Variants in RABGEF1 observed in about 807,000 individuals in gnomAD.
RABGEF1 encodes the protein rab5 GDP/GTP exchange factor.
Under a neutral mutation model 57.3 loss-of-function variants are expected in RABGEF1, and 26 were observed. That is an observed-to-expected ratio of 0.45 (90% CI 0.33 to 0.63). RABGEF1 has a LOEUF of 0.63. RABGEF1 is among the 20% of genes least tolerant of loss of function. The pLI, the probability that RABGEF1 is intolerant of heterozygous loss-of-function variation, is 0.02. For missense variants in RABGEF1, 464 were observed against 607.6 expected (o/e 0.76, Z 2.48); for synonymous variants, 185 against 210.7 (o/e 0.88, Z 1.06).
At chr7:66,805,060 A>G (rs1788142224) in intron 7 of RABGEF1, 80 bp from the exon 8 acceptor site, 2 of 1,451,014 alleles carry the variant, frequency 1.4e-6, no homozygotes, top group African/African-American at 2.8e-5. Context: ...TCATAACTTT[A>G]GAGATAAAAC....
intron 2 of RABGEF1, among the ~76,000 whole-genome samples, chr7:66,712,575 A>G (rs1485980573): frequency 5.3e-5 from 8 of 151,882 alleles, no homozygotes; most frequent in African/African-American, 1.7e-4. Flanking sequence ...GGCTGAAGGG[A>G]TCCTCGCACC....
At chr7:66,736,815 T>G (rs1797993641), upstream of RABGEF1, among the ~76,000 whole-genome samples, 1 of 152,070 alleles carries the variant, frequency 6.6e-6, no homozygotes, top group Non-Finnish European at 1.5e-5. Flanking sequence ...GAGCCAAGTT[T>G]GCGCCACTGC....
chr7:66,718,168 C>G (rs1332886397), intron 2 of RABGEF1, among the ~76,000 whole-genome samples: 1 of 152,028 alleles, frequency 6.6e-6, no homozygotes, highest in Non-Finnish European at 1.5e-5. Context: ...CATGGTGAAA[C>G]CCTGTCTCTC....
chr7:66,737,070 G>A (rs560268194), upstream of RABGEF1, among the ~76,000 whole-genome samples: 2 of 121,138 alleles, frequency 1.7e-5, no homozygotes, highest in African/African-American at 5.6e-5. Flanking sequence ...GAGAGAGAGA[G>A]AGTGAGAGAG....
Position 66,805,071 on chromosome 7 carries a change from A to G in RABGEF1, c.821-69A>G. On this transcript the variant is annotated intron_variant, in intron 7 of 8. Coordinates refer to ENST00000284957, the MANE Select transcript of RABGEF1 (RefSeq NM_014504.3). ...TCCTTCATAACTTTAGAGATAAAACATGATTTTCCTATTGCTTCTTTTTTG... is the reference window on the plus strand; with the variant it reads ...TCCTTCATAACTTTAGAGATAAAACGTGATTTTCCTATTGCTTCTTTTTTG... The G allele has an allele frequency of 6.0e-6, 9 of 1,490,118 alleles. No individual in the cohort carries two copies. In the South Asian group the frequency reaches 9.4e-5, roughly 16 times the overall value. 92.3% of individuals were successfully genotyped at this position (1,490,118 alleles called of 1,614,324 possible).
At chr7:66,714,412 C>T (rs778665488) in intron 2 of RABGEF1, among the ~76,000 whole-genome samples, 4 of 152,138 alleles carry the variant, frequency 2.6e-5, no homozygotes, top group Admixed American at 1.3e-4. Flanking sequence ...AGTGATATCA[C>T]GTATTTCATT....
the RABGEF1 span, among the ~76,000 whole-genome samples, chr7:66,675,352 C>A: frequency 6.6e-6 from 1 of 151,556 alleles, no homozygotes; most frequent in South Asian, 2.1e-4. Flanking sequence ...ATCGCTTGAA[C>A]CTGGGAGGCG....
At chr7:66,696,106 C>G (rs1467015546) in intron 1 of RABGEF1, among the ~76,000 whole-genome samples, 1 of 151,876 alleles carries the variant, frequency 6.6e-6, no homozygotes, top group East Asian at 1.9e-4. Flanking sequence ...CTCACTGTTG[C>G]CCAGGTTGGA....
intron 4 of RABGEF1, among the ~76,000 whole-genome samples, chr7:66,788,025 TAATA>T (rs1206625475): frequency 6.6e-6 from 1 of 152,268 alleles, no homozygotes; most frequent in Non-Finnish European, 1.5e-5. Flanking sequence ...TGCTAAGTGT[TAATA>T]AATCCCTCAG....
At chr7:66,723,030 G>A (rs1396924180) in intron 2 of RABGEF1, among the ~76,000 whole-genome samples, 5 of 151,826 alleles carry the variant, frequency 3.3e-5, no homozygotes, top group South Asian at 2.1e-4. Flanking sequence ...GTGCAATGGC[G>A]TGATCTTGGC....
In RABGEF1 at chr7:66,795,605, G is replaced by A. The variant is rs914860866; in HGVS notation, c.595+13G>A. The A allele has an allele frequency of 1.3e-6, 2 of 1,582,916 alleles. No individual in the cohort carries two copies. The highest frequency in any genetic ancestry group is 8.7e-7 in the Non-Finnish European group (1 of 1,151,636). The stretch of plus-strand genomic sequence containing the variant: ...ACTCGTGGGAAAGGTAACACTGTTA[G>A]CCATTGAGAGATTGCGGGTATTGCA... On this transcript the variant is annotated intron_variant, in intron 5 of 8. Transcript: ENST00000284957.
At chr7:66,795,094 G>A in intron 4 of RABGEF1, among the ~76,000 whole-genome samples, 1 of 152,126 alleles carries the variant, frequency 6.6e-6, no homozygotes. Flanking sequence ...TTTGTAGCAG[G>A]GAGGAGCCTG....
At chr7:66,701,813 C>T (rs2117261496) in intron 1 of RABGEF1, among the ~76,000 whole-genome samples, 1 of 152,220 alleles carries the variant, frequency 6.6e-6, no homozygotes, top group Middle Eastern at 3.4e-3. Context: ...GATACAAGTT[C>T]TTTATCAGAT....
intron 3 of RABGEF1, among the ~76,000 whole-genome samples, chr7:66,782,795 AT>A (rs1435405237): frequency 2.6e-5 from 4 of 152,184 alleles, no homozygotes; most frequent in Admixed American, 1.3e-4. Flanking sequence ...CAAAAAAAAA[AT>A]AAAACATACT....
At chr7:66,655,398 C>T in the RABGEF1 span, among the ~76,000 whole-genome samples, 1 of 152,128 alleles carries the variant, frequency 6.6e-6, no homozygotes. Context: ...GGAAATGTGT[C>T]GTGGGCGCCC....
chr7:66,801,557 C>G lies in RABGEF1; in HGVS notation c.820+2143C>G, dbSNP rs149677764. On this transcript the variant is annotated intron_variant, in intron 7 of 8. Transcript: ENST00000284957. ...CATGCCCTGCATTACCCTTCCCAGC[C>G]TCTGGTAACCATCCTTCTGGTAAAA... 3.8e-4 allele frequency among the ~76,000 whole-genome samples: 58 copies of G among 152,336 alleles called. 1 individual carries two copies. The East Asian group carries it at 0.01, about 27-fold the overall frequency.
chr7:66,755,971 T>G, intron 1 of RABGEF1: 1 of 1,040,166 alleles, frequency 9.6e-7, no homozygotes, highest in Non-Finnish European at 1.3e-6. Flanking sequence ...TCACATTCAT[T>G]TTGGAAGCAT....
chr7:66,789,662 A>G (rs1812105371), intron 4 of RABGEF1, among the ~76,000 whole-genome samples: 2 of 125,644 alleles, frequency 1.6e-5, no homozygotes, highest in African/African-American at 6.0e-5. Context: ...CAGCCTCAGC[A>G]TCGGAGCGAG....
At chr7:66,662,775 G>T in the RABGEF1 span, among the ~76,000 whole-genome samples, 3 of 150,750 alleles carry the variant, frequency 2.0e-5, no homozygotes, top group Non-Finnish European at 4.4e-5. Flanking sequence ...ATGTACAGCC[G>T]TGTGTGCACG....
Sources: gnomAD v4.1 joint callset for allele counts (sites outside exome capture counted in the v4.1 genomes callset) on GRCh38, gnomAD v4.1.1 for gene constraint, MANE v1.5 for transcripts, NCBI Gene and HGNC (gene_info 2026-07-23, HGNC 2026-07-21) for gene names.